N4BP2: variants seen among roughly 807,000 people sequenced by gnomAD.
N4BP2 encodes NEDD4-binding protein 2.
Under a neutral mutation model 152.8 loss-of-function variants are expected in N4BP2, and 91 were observed. The observed-to-expected ratio is 0.60, with a 90% CI of 0.50 to 0.71. N4BP2 has a LOEUF of 0.71. N4BP2 is among the 30% of genes least tolerant of loss of function. N4BP2 has a pLI of 0.00. For missense variants in N4BP2, 1,923 were observed against 2,059.1 expected (o/e 0.93, Z 1.28); for synonymous variants, 646 against 705.3 (o/e 0.92, Z 1.33).
downstream of N4BP2, among the ~76,000 whole-genome samples, chr4:40,159,104 A>G (rs1468541345): frequency 1.3e-5 from 2 of 152,232 alleles, no homozygotes; most frequent in Non-Finnish European, 2.9e-5. Context: ...ATAGACTTAG[A>G]GAAGTTAACT....
intron 16 of N4BP2, among the ~76,000 whole-genome samples, chr4:40,149,129 A>T (rs1720896873): frequency 6.6e-6 from 1 of 152,238 alleles, no homozygotes; most frequent in South Asian, 2.1e-4. Context: ...CAAGAGAAAT[A>T]AAAACACAAT....
intron 14 of N4BP2, chr4:40,142,415 G>A (rs1720100539): frequency 5.5e-6 from 2 of 365,756 alleles, no homozygotes; most frequent in Non-Finnish European, 1.0e-5. Flanking sequence ...ATCCCTAATT[G>A]TATTTTGATA....
the N4BP2 span, among the ~76,000 whole-genome samples, chr4:40,182,346 G>C: frequency 6.6e-6 from 1 of 152,246 alleles, no homozygotes; most frequent in East Asian, 1.9e-4. Flanking sequence ...GGGTCAGGCT[G>C]AGAAGTTTCC....
chr4:40,141,333 G>A (rs538883460), intron 14 of N4BP2, among the ~76,000 whole-genome samples: 115 of 152,016 alleles, frequency 7.6e-4, no homozygotes, highest in African/African-American at 2.7e-3. Flanking sequence ...TGTCAGACGG[G>A]GCGGCTTCCG....
chr4:40,189,444 C>T, the N4BP2 span, among the ~76,000 whole-genome samples: 1 of 152,182 alleles, frequency 6.6e-6, no homozygotes, highest in Non-Finnish European at 1.5e-5. This position sits in a 1 kb window ranked among gnomAD's most constrained non-coding sequence, Gnocchi z 4.3. Flanking sequence ...TGAGCACCAA[C>T]TTGGCCCCCG....
chr4:40,112,295 C>T, intron 6 of N4BP2, 123 bp downstream of exon 6: 1 of 602,876 alleles, frequency 1.7e-6, no homozygotes, highest in Non-Finnish European at 2.9e-6. Context: ...TGTAAATGAG[C>T]TTTCATTGGT....
intron 4 of N4BP2, among the ~76,000 whole-genome samples, chr4:40,106,607 G>A (rs1716316625): frequency 6.6e-6 from 1 of 152,020 alleles, no homozygotes. Context: ...GGAGTACGGT[G>A]GCGCAATCTC....
chr4:40,163,723 T>G, the N4BP2 span, among the ~76,000 whole-genome samples: 1 of 152,242 alleles, frequency 6.6e-6, no homozygotes, highest in African/African-American at 2.4e-5. Flanking sequence ...GATGATGTCA[T>G]TGAGCCCCTG....
intron 8 of N4BP2, 25 bp from the exon 9 acceptor site, chr4:40,119,907 G>A (rs781236761): frequency 8.8e-7 from 1 of 1,138,572 alleles, no homozygotes; most frequent in Non-Finnish European, 1.2e-6. Context: ...ACTTTCTCAT[G>A]ATACTCTTTA....
chr4:40,185,868 C>T, the N4BP2 span, among the ~76,000 whole-genome samples: 1 of 152,156 alleles, frequency 6.6e-6, no homozygotes, highest in Admixed American at 6.5e-5. Flanking sequence ...TGAAACCAGA[C>T]CTTGCAATCC....
At chr4:40,077,934 C>T (rs1473171430) in intron 2 of N4BP2, 1 of 152,020 alleles carries the variant, frequency 6.6e-6, no homozygotes, top group African/African-American at 2.4e-5. Context: ...TGAGCATGGC[C>T]TCTGTGCAAG....
intron 2 of N4BP2, among the ~76,000 whole-genome samples, chr4:40,096,953 A>G (rs1168520286): frequency 6.6e-6 from 1 of 152,200 alleles, no homozygotes; most frequent in Non-Finnish European, 1.5e-5. Flanking sequence ...TACGCATTCT[A>G]ATTATATTTA....
chr4:40,187,934 G>A, the N4BP2 span, among the ~76,000 whole-genome samples: 5 of 152,130 alleles, frequency 3.3e-5, no homozygotes, highest in Non-Finnish European at 7.4e-5. Context: ...GAAATTACAG[G>A]CATCTTAGGA....
chr4:40,120,323 G>A lies in N4BP2; in HGVS notation c.2212G>A (p.Asp738Asn). The change falls in exon 9 of 18, where the codon GAT (aspartate) becomes AAT (asparagine). Residue 738 changes from aspartate (D) to asparagine (N), a missense_variant. Physicochemically the swap from Asp to Asn is conservative, Grantham distance 23. Transcript: ENST00000261435. ...CCSENNQEDC[D>N]LANSGPLQNE... Reference sequence around the variant, plus strand: ...TAGTGAAAATAATCAAGAAGACTGTGATCTTGCAAATAGTGGACCACTTCA... The same window carrying A: ...TAGTGAAAATAATCAAGAAGACTGTAATCTTGCAAATAGTGGACCACTTCA... 4 of 1,612,792 alleles carry A rather than the reference G, an allele frequency of 2.5e-6. No individual in the cohort carries two copies. The highest frequency in any genetic ancestry group is 3.4e-6 in the Non-Finnish European group (4 of 1,179,652).
chr4:40,062,025 T>TTTTA (rs571355066), intron 1 of N4BP2, among the ~76,000 whole-genome samples: 102 of 151,934 alleles, frequency 6.7e-4, no homozygotes, highest in Non-Finnish European at 1.3e-3. Flanking sequence ...TATTTTTTGG[T>TTTTA]TTTATTTATT....
rs903475956 is a variant in N4BP2 at position 40,154,350 on chromosome 4, A to G, written c.*113A>G. The G allele has an allele frequency of 1.7e-6, 1 of 598,218 alleles. No homozygotes were observed. Among genetic ancestry groups the G allele is most frequent in the African/African-American group, 2.0e-5 (1 of 51,070 alleles). The allele number at this position is 598,218 out of a possible 1,614,324, so 37.1% of individuals were successfully genotyped here. A position where few individuals can be genotyped will look rare whatever the true frequency, so the allele number is the denominator to read the frequency against. ...TGTGTTTTATTATAAATAATATTCA[A>G]TTATGAAACAAAAAAATTATGATGT... On this transcript the variant is annotated 3_prime_UTR_variant, in exon 18 of 18. Transcript: ENST00000261435.
rs199515421 is a variant in N4BP2 at position 40,121,958 on chromosome 4, C to G, written c.3847C>G (p.His1283Asp). 2.6e-6 allele frequency: 4 copies of G among 1,561,782 alleles called. No homozygotes were observed. Among genetic ancestry groups the G allele is most frequent in the Non-Finnish European group, 3.5e-6 (4 of 1,156,746 alleles). The change falls in exon 9 of 18, where the codon CAT (histidine) becomes GAT (aspartate). Residue 1283 changes from histidine to aspartate, a missense_variant. By Grantham distance (81) the His-to-Asp change is moderately conservative. Transcript: ENST00000261435. ...TGGAGACAACATACATTCTCCTTCA[C>G]ATTTCTCTGATATTTTTAACTTTGT... is the stretch of plus-strand genomic sequence containing the variant. ...ETGDNIHSPSHFSDIFNFVSS... is the reference protein window; with the variant it reads ...ETGDNIHSPSDFSDIFNFVSS...
At chr4:40,178,348 C>CA in the N4BP2 span, among the ~76,000 whole-genome samples, 1 of 151,744 alleles carries the variant, frequency 6.6e-6, no homozygotes, top group South Asian at 2.1e-4. Flanking sequence ...CAAGTAAAAT[C>CA]AAAAGTTGTT....
intron 6 of N4BP2, among the ~76,000 whole-genome samples, chr4:40,112,406 T>C (rs1202306974): frequency 1.3e-5 from 2 of 152,158 alleles, no homozygotes; most frequent in Non-Finnish European, 1.5e-5. Context: ...GATTGTTTTG[T>C]TTTTTGGGGT....
Sources: allele counts gnomAD v4.1 joint callset (sites outside exome capture counted in the v4.1 genomes callset), GRCh38; gene constraint gnomAD v4.1.1; non-coding constraint Gnocchi (gnomAD v3.1); transcripts MANE v1.5; gene names NCBI Gene and HGNC (gene_info 2026-07-23, HGNC 2026-07-21).